Variants in LIPA observed in about 807,000 individuals in gnomAD.
LIPA encodes the protein lipase A, lysosomal acid type, also known as lysosomal acid lipase/cholesteryl ester hydrolase.
LIPA carries 26 observed loss-of-function variants against 40.6 expected under a neutral mutation model. That is an observed-to-expected ratio of 0.64 (90% confidence interval 0.47 to 0.89). The LOEUF is 0.89. Among genes scored for constraint, LIPA ranks in the 40% least tolerant of loss-of-function variants. LIPA has a pLI of 0.00. For synonymous variants in LIPA, 188 were observed against 168.4 expected (o/e 1.12, Z -0.90); for missense variants, 455 against 479.6 (o/e 0.95, Z 0.48).
At chr10:89,333,708 T>C (rs930183797) in intron 1 of LIPA, among the ~76,000 whole-genome samples, 22 of 152,214 alleles carry the variant, frequency 1.4e-4, no homozygotes, top group Admixed American at 5.2e-4. Context: ...GTTTGACTGT[T>C]TAAAGGGTAA....
intron 1 of LIPA, among the ~76,000 whole-genome samples, chr10:89,291,615 T>C (rs1386423972): frequency 1.3e-5 from 2 of 152,170 alleles, no homozygotes; most frequent in Admixed American, 1.3e-4. Context: ...GGCAGGACAG[T>C]GCTTTACTCA....
chr10:89,414,491 T>G (rs1239207920), exon 1 of LIPA: 1 of 369,536 alleles, frequency 2.7e-6, no homozygotes, highest in Non-Finnish European at 4.8e-6. Context: ...TCCGCAAACG[T>G]CTGGCCGCGG....
At chr10:89,407,103 C>T (rs1841422638) in intron 2 of LIPA, among the ~76,000 whole-genome samples, 1 of 152,172 alleles carries the variant, frequency 6.6e-6, no homozygotes, top group African/African-American at 2.4e-5. Context: ...TCCATTATTC[C>T]TGTACTTCCA....
chr10:89,218,357 T>C lies in LIPA; in HGVS notation c.895-2348A>G, dbSNP rs116518162. On this transcript the variant is annotated intron_variant, in intron 8 of 9. Transcript: ENST00000336233. ...ATCACTGCAAAAAACAAAATGATAA[T>C]AAAATTCAAGCAACAGAAACTGCCC... is the stretch of plus-strand genomic sequence containing the variant. Among the ~76,000 whole-genome samples, 421 of 152,282 alleles carry C rather than the reference T, an allele frequency of 2.8e-3. 1 individual carries two copies. Among genetic ancestry groups the C allele is most frequent in the African/African-American group, 9.2e-3 (383 of 41,558 alleles).
At position 89,214,804 on chromosome 10, in the gene LIPA, T is replaced by C. The variant is rs776578147; in HGVS notation, c.*24A>G. ...TCACATGACATAATCATTGACTTGG[T>C]GGTACACAGCTCAAGTCCAGCTTTC... On this transcript the variant is annotated 3_prime_UTR_variant, in exon 10 of 10. Transcript: ENST00000336233. 2.5e-5 allele frequency: 32 copies of C among 1,301,828 alleles called. No individual in the cohort carries two copies. Among genetic ancestry groups the C allele is most frequent in the Non-Finnish European group, 3.5e-5 (31 of 896,030 alleles). 80.6% of individuals were successfully genotyped at this position (1,301,828 alleles called of 1,614,324 possible). A position where few individuals can be genotyped will look rare whatever the true frequency, so the allele number is the denominator to read the frequency against.
At chr10:89,311,841 T>C (rs1016880130) in intron 1 of LIPA, among the ~76,000 whole-genome samples, 1 of 152,212 alleles carries the variant, frequency 6.6e-6, no homozygotes, top group African/African-American at 2.4e-5. Context: ...TCTTTAATTT[T>C]TGTCAATCTG....
chr10:89,326,662 C>T (rs1407953178), intron 1 of LIPA, among the ~76,000 whole-genome samples: 2 of 152,102 alleles, frequency 1.3e-5, no homozygotes, highest in Non-Finnish European at 2.9e-5. Context: ...TCATTGTATG[C>T]TCGCATCAAA....
intron 1 of LIPA, among the ~76,000 whole-genome samples, chr10:89,414,227 T>C (rs906034838): frequency 6.6e-6 from 1 of 152,180 alleles, no homozygotes; most frequent in Non-Finnish European, 1.5e-5. Flanking sequence ...TGTTGCTTGT[T>C]GAATCAAAAG....
chr10:89,222,437 G>T, intron 8 of LIPA, 74 bp downstream of exon 8: 1 of 913,884 alleles, frequency 1.1e-6, no homozygotes, highest in Non-Finnish European at 1.8e-6. Flanking sequence ...TTTCTATTTG[G>T]AAAGGGTTTG....
chr10:89,214,427 G>A lies in LIPA; in HGVS notation c.*401C>T, dbSNP rs572392638. ...TGAAAACTGCGTACTTTTATACCTCGCTTAAGTCAGTGACAGATTTACCAA... is the reference window on the plus strand; with the variant it reads ...TGAAAACTGCGTACTTTTATACCTCACTTAAGTCAGTGACAGATTTACCAA... On this transcript the variant is annotated 3_prime_UTR_variant, in exon 10 of 10. Transcript: ENST00000336233. The A allele has an allele frequency of 1.1e-5, 2 of 185,506 alleles. No individual in the cohort carries two copies. Among genetic ancestry groups the A allele is most frequent in the Admixed American group, 1.1e-4 (2 of 18,184 alleles). 11.5% of individuals were successfully genotyped at this position (185,506 alleles called of 1,614,324 possible).
chr10:89,234,084 C>T (rs1290797275), intron 3 of LIPA, among the ~76,000 whole-genome samples: 1 of 152,180 alleles, frequency 6.6e-6, no homozygotes, highest in Non-Finnish European at 1.5e-5. Context: ...AGTTACTTGG[C>T]CAGTGGGACA....
chr10:89,309,840 G>T (rs1353961717), intron 1 of LIPA, among the ~76,000 whole-genome samples: 1 of 152,178 alleles, frequency 6.6e-6, no homozygotes, highest in East Asian at 1.9e-4. Flanking sequence ...CACATTAATT[G>T]GGCTTGACTT....
At chr10:89,353,303 G>A (rs1218629725) in intron 2 of LIPA, among the ~76,000 whole-genome samples, 2 of 152,156 alleles carry the variant, frequency 1.3e-5, no homozygotes, top group East Asian at 3.8e-4. Flanking sequence ...GAGTTTAACT[G>A]GTATATGAAC....
chr10:89,310,502 T>C (rs1378554796), intron 1 of LIPA, among the ~76,000 whole-genome samples: 1 of 152,188 alleles, frequency 6.6e-6, no homozygotes, highest in Non-Finnish European at 1.5e-5. Context: ...CCTATTGCCC[T>C]TTTTGGAAAA....
chr10:89,279,979 G>GT (rs1327523771), intron 1 of LIPA, among the ~76,000 whole-genome samples: 1 of 152,158 alleles, frequency 6.6e-6, no homozygotes, highest in African/African-American at 2.4e-5. Context: ...AACATTGTTT[G>GT]TAATAGTGAT....
chr10:89,351,311 T>C (rs529776492), intron 2 of LIPA, among the ~76,000 whole-genome samples: 1 of 152,324 alleles, frequency 6.6e-6, no homozygotes, highest in South Asian at 2.1e-4. Flanking sequence ...GCAGAAACCC[T>C]GTCTCAATAA....
intron 2 of LIPA, among the ~76,000 whole-genome samples, chr10:89,358,761 C>T (rs1028828532): frequency 1.3e-5 from 2 of 151,812 alleles, no homozygotes; most frequent in Non-Finnish European, 2.9e-5. Flanking sequence ...ATGTTGGTTA[C>T]CAAAGGCTGG....
intron 1 of LIPA, among the ~76,000 whole-genome samples, chr10:89,311,896 T>A (rs967740998): frequency 6.6e-6 from 1 of 152,190 alleles, no homozygotes; most frequent in African/African-American, 2.4e-5. Flanking sequence ...GGCGTATAGA[T>A]CACAGAAAAA....
intron 1 of LIPA, chr10:89,414,384 G>C (rs1379786412): frequency 3.8e-5 from 7 of 183,330 alleles, no homozygotes; most frequent in Non-Finnish European, 6.7e-5. Context: ...CAGTTACACG[G>C]GCAGCATGCG....
Sources: allele counts gnomAD v4.1 joint callset (sites outside exome capture counted in the v4.1 genomes callset), GRCh38; gene constraint gnomAD v4.1.1; transcripts MANE v1.5; gene names NCBI Gene and HGNC (gene_info 2026-07-23, HGNC 2026-07-21).